The following ERICH5 variants were observed in gnomAD, a reference collection of about 807,000 sequenced individuals.
ERICH5 encodes the protein glutamate-rich protein 5.
In ERICH5, 24 loss-of-function variants were observed where a neutral mutation model predicts 28.0. The ratio of observed to expected loss-of-function variants is 0.86; its 90% CI spans 0.62 to 1.21. ERICH5 has a LOEUF of 1.21. Ranked by LOEUF, ERICH5 falls within the 50% of genes most tolerant of loss-of-function variation. ERICH5 has a pLI of 0.00. For missense variants in ERICH5, 421 were observed against 441.2 expected, an observed-to-expected ratio of 0.95 and a Z score of 0.41; for synonymous variants, 163 against 157.6, an observed-to-expected ratio of 1.03 and a Z score of -0.25.
chr8:98,078,581 A>G (rs1815103168), intron 1 of ERICH5, among the ~76,000 whole-genome samples: 1 of 152,224 alleles, frequency 6.6e-6, no homozygotes, highest in Admixed American at 6.5e-5. Context: ...AGCTTCCATC[A>G]TAATGTGAAT....
chr8:98,089,598 T>A lies in ERICH5; in HGVS notation c.581T>A (p.Val194Asp). 6.2e-7 allele frequency: 1 copy of A among 1,614,192 alleles called. No individual in the cohort carries two copies. The highest frequency in any genetic ancestry group is 8.5e-7 in the Non-Finnish European group (1 of 1,180,040). ...AAGCCTCTAGGAACAACTGAGAACG[T>A]TCTGACTCTGCAAATAGCTGGAGAG... ...EMKPLGTTEN[V>D]LTLQIAGELQ... Residue 194 changes from valine (V) to aspartate (D), a missense_variant, in exon 2 of 3, where the codon GTT (valine) becomes GAT (aspartate). Transcript: ENST00000318528.
chr8:98,085,842 C>G (rs901123915), intron 1 of ERICH5, among the ~76,000 whole-genome samples: 2 of 152,150 alleles, frequency 1.3e-5, no homozygotes, highest in African/African-American at 2.4e-5. Context: ...TCAGCACACT[C>G]AACTCATGTG....
At position 98,081,864 on chromosome 8, in the gene ERICH5, G is replaced by T. The variant is rs868137050; in HGVS notation, c.59-7212G>T. ...AATTGCTTGTACCCAGGAGGCGGAG[G>T]TTGCAGTGAGCTGAGATTGCACCAT... is the stretch of plus-strand genomic sequence containing the variant. On this transcript the variant is annotated intron_variant, in intron 1 of 2. Coordinates refer to ENST00000318528, the MANE Select transcript of ERICH5 (RefSeq NM_173549.3). Among the ~76,000 whole-genome samples the T allele has an allele frequency of 1.1e-4, 16 of 152,052 alleles. 2 individuals are homozygous for T. The highest frequency in any genetic ancestry group is 3.6e-4 in the African/African-American group (15 of 41,452).
chr8:98,066,761 C>T (rs1024768502), intron 1 of ERICH5, among the ~76,000 whole-genome samples: 1 of 152,190 alleles, frequency 6.6e-6, no homozygotes, highest in Non-Finnish European at 1.5e-5. Context: ...ACAATACTCT[C>T]TTGTAATTAG....
intron 1 of ERICH5, among the ~76,000 whole-genome samples, chr8:98,088,299 T>C (rs534421908): frequency 6.6e-6 from 1 of 152,322 alleles, no homozygotes; most frequent in South Asian, 2.1e-4. Flanking sequence ...TTTTAAACTA[T>C]CACGCCTCAT....
At chr8:98,069,745 A>C (rs1427196160) in intron 1 of ERICH5, among the ~76,000 whole-genome samples, 1 of 152,212 alleles carries the variant, frequency 6.6e-6, no homozygotes, top group Non-Finnish European at 1.5e-5. Flanking sequence ...TTACTAGGTC[A>C]AAGGGTGTAC....
intron 1 of ERICH5, among the ~76,000 whole-genome samples, chr8:98,068,777 C>T (rs1814861529): frequency 6.6e-6 from 1 of 152,220 alleles, no homozygotes; most frequent in Non-Finnish European, 1.5e-5. Context: ...AAGCACCAAA[C>T]ATGGACAAAG....
At position 98,089,910 on chromosome 8, in the gene ERICH5, A is replaced by G. The variant is rs1563758820; in HGVS notation, c.893A>G (p.Gln298Arg). 1 of 1,614,254 alleles carries G rather than the reference A, an allele frequency of 6.2e-7. No homozygotes were observed. The highest frequency in any genetic ancestry group is 2.2e-5 in the East Asian group (1 of 44,886). Residue 298 changes from glutamine (Q) to arginine (R), a missense_variant, in exon 2 of 3, where the codon CAG (glutamine) becomes CGG (arginine). Gln to Arg is a conservative substitution (Grantham distance 43). Transcript: ENST00000318528. ...CCTGAAGGTCCAGGAAACATGGAGC[A>G]GATTCAACCTGAAGGAATAGTTGGA... ...KTPEGPGNME[Q>R]IQPEGIVGSM...
At chr8:98,080,715 C>T (rs1487924745) in intron 1 of ERICH5, among the ~76,000 whole-genome samples, 2 of 140,394 alleles carry the variant, frequency 1.4e-5, no homozygotes, top group East Asian at 2.2e-4. Context: ...CCCTCCCCCT[C>T]CCTCTCCTTC....
intron 1 of ERICH5, among the ~76,000 whole-genome samples, chr8:98,073,169 G>C (rs1814951604): frequency 6.6e-6 from 1 of 151,838 alleles, no homozygotes; most frequent in Non-Finnish European, 1.5e-5. Flanking sequence ...TTAGTTGTGT[G>C]ACTTTGAGCC....
At chr8:98,085,351 G>C (rs578111781) in intron 1 of ERICH5, among the ~76,000 whole-genome samples, 1 of 151,760 alleles carries the variant, frequency 6.6e-6, no homozygotes, top group Non-Finnish European at 1.5e-5. Context: ...TTTTAGTAGA[G>C]ACGGGGTTTC....
intron 1 of ERICH5, among the ~76,000 whole-genome samples, chr8:98,068,576 T>G (rs563373760): frequency 6.6e-6 from 1 of 152,344 alleles, no homozygotes; most frequent in East Asian, 1.9e-4. Context: ...GAGGATCCGA[T>G]GCAATCTGAA....
chr8:98,064,777 G>A, intron 1 of ERICH5, 50 bp downstream of exon 1: 1 of 1,482,338 alleles, frequency 6.7e-7, no homozygotes, highest in South Asian at 1.2e-5. Context: ...ACTCGGGTGG[G>A]CTAACTCCCC....
intron 1 of ERICH5, among the ~76,000 whole-genome samples, chr8:98,083,609 C>T (rs910282710): frequency 1.3e-5 from 2 of 151,792 alleles, no homozygotes; most frequent in Non-Finnish European, 2.9e-5. Flanking sequence ...CACACATGCA[C>T]ACACACACAC....
At chr8:98,076,130 T>C (rs543112644) in intron 1 of ERICH5, among the ~76,000 whole-genome samples, 127 of 152,266 alleles carry the variant, frequency 8.3e-4, no homozygotes, top group African/African-American at 2.9e-3. Flanking sequence ...CTCAGCTCAC[T>C]GCAGCTTCTG....
intron 1 of ERICH5, among the ~76,000 whole-genome samples, chr8:98,069,659 G>A (rs913859603): frequency 6.6e-6 from 1 of 152,160 alleles, no homozygotes; most frequent in Non-Finnish European, 1.5e-5. Context: ...AGACAAGACT[G>A]CCATGAATTC....
chr8:98,069,848 TA>T (rs1814880039), intron 1 of ERICH5, among the ~76,000 whole-genome samples: 2 of 152,246 alleles, frequency 1.3e-5, no homozygotes, highest in Admixed American at 1.3e-4. Flanking sequence ...AATCTTTTTC[TA>T]AAACAGAAAA....
chr8:98,091,960 CTTTTTT>C, intron 2 of ERICH5, among the ~76,000 whole-genome samples: 17 of 81,560 alleles, frequency 2.1e-4, no homozygotes, highest in African/African-American at 6.4e-4. Flanking sequence ...TTCTTTCTTT[CTTTTTT>C]CTTTCTTTTT....
intron 1 of ERICH5, among the ~76,000 whole-genome samples, chr8:98,082,641 A>G (rs1173493624): frequency 8.9e-6 from 1 of 112,808 alleles, no homozygotes; most frequent in Non-Finnish European, 2.0e-5. Context: ...GCAAAACTCC[A>G]TCTCAAAAAA....
Sources: allele counts gnomAD v4.1 joint callset (sites outside exome capture counted in the v4.1 genomes callset), GRCh38; gene constraint gnomAD v4.1.1; transcripts MANE v1.5; gene names NCBI Gene and HGNC (gene_info 2026-07-23, HGNC 2026-07-21).